The following STK39 variants were observed in gnomAD, a reference collection of about 807,000 sequenced individuals.
The protein encoded by STK39 is STE20/SPS1-related proline-alanine-rich protein kinase.
Under a neutral mutation model 77.8 loss-of-function variants are expected in STK39, and 20 were observed. The ratio of observed to expected loss-of-function variants is 0.26; its 90% CI spans 0.18 to 0.37. The LOEUF (loss-of-function observed/expected upper bound fraction) is 0.37, where lower values mean the gene tolerates loss of function less well. Among genes scored for constraint, STK39 ranks in the 10% least tolerant of loss-of-function variants. The pLI, the probability that STK39 is intolerant of heterozygous loss-of-function variation, is 1.00. For synonymous variants in STK39, 246 were observed against 234.1 expected (o/e 1.05, Z -0.47); for missense variants, 479 against 656.5 (o/e 0.73, Z 2.95).
chr2:168,216,481 T>C (rs967765350), intron 1 of STK39, among the ~76,000 whole-genome samples: 2 of 152,210 alleles, frequency 1.3e-5, no homozygotes, highest in South Asian at 4.1e-4. Context: ...GAAGCACGCC[T>C]GCACACCAAG....
At chr2:167,956,220 A>G (rs1691758429) in intron 17 of STK39, among the ~76,000 whole-genome samples, 1 of 152,330 alleles carries the variant, frequency 6.6e-6, no homozygotes, top group East Asian at 1.9e-4. Flanking sequence ...TGGTGTGTCA[A>G]ATACTTTATT....
intron 14 of STK39, among the ~76,000 whole-genome samples, chr2:168,052,480 A>G (rs1335880908): frequency 6.6e-6 from 1 of 152,232 alleles, no homozygotes; most frequent in Non-Finnish European, 1.5e-5. Context: ...AAAAAAAGCA[A>G]TCTAGCAAAG....
At chr2:168,221,798 G>A (rs1157904551) in intron 1 of STK39, among the ~76,000 whole-genome samples, 2 of 151,954 alleles carry the variant, frequency 1.3e-5, no homozygotes, top group South Asian at 2.1e-4. Context: ...GGCACTCACC[G>A]GGGCGCAACA....
chr2:168,032,335 T>C (rs777727613), intron 14 of STK39, among the ~76,000 whole-genome samples: 4 of 152,234 alleles, frequency 2.6e-5, no homozygotes, highest in Non-Finnish European at 5.9e-5. Flanking sequence ...TTTGGATGAT[T>C]TGAAAAACTT....
intron 1 of STK39, among the ~76,000 whole-genome samples, chr2:168,191,212 G>T (rs554026371): frequency 6.6e-6 from 1 of 152,160 alleles, no homozygotes; most frequent in South Asian, 2.1e-4. Flanking sequence ...TGGACACAAC[G>T]GAGTGCAGGG....
intron 10 of STK39, among the ~76,000 whole-genome samples, chr2:168,113,368 A>G (rs1274150923): frequency 2.6e-5 from 4 of 152,232 alleles, no homozygotes. Flanking sequence ...GTTTAAGCAG[A>G]TAAATATTGC....
intron 10 of STK39, among the ~76,000 whole-genome samples, chr2:168,077,731 C>T (rs559681569): frequency 1.7e-4 from 26 of 152,188 alleles, no homozygotes; most frequent in African/African-American, 6.0e-4. Context: ...ATTTATGTGA[C>T]ATTGACGTCT....
intron 5 of STK39, among the ~76,000 whole-genome samples, chr2:168,160,405 T>C (rs951111633): frequency 3.9e-5 from 6 of 152,184 alleles, no homozygotes; most frequent in Non-Finnish European, 8.8e-5. Flanking sequence ...TGATCTCCAG[T>C]CAGTGCAAGG....
At position 167,974,261 on chromosome 2, in the gene STK39, T is replaced by A. The variant is rs545699859; in HGVS notation, c.1499-9535A>T. On this transcript the variant is annotated intron_variant, in intron 16 of 17. Transcript: ENST00000355999. ...AAATTTTTTGAGTCATCATTTTGGC[T>A]AAATGAATGACTTATGGTAACCTGG... Among the ~76,000 whole-genome samples the A allele has an allele frequency of 1.1e-3, 175 of 152,280 alleles. 2 individuals are homozygous for A. The highest frequency in any genetic ancestry group is 3.7e-3 in the African/African-American group (153 of 41,586).
intron 1 of STK39, among the ~76,000 whole-genome samples, chr2:168,246,505 G>A (rs559875627): frequency 1.3e-5 from 2 of 152,388 alleles, no homozygotes; most frequent in South Asian, 2.1e-4. Flanking sequence ...GCCCGGTGCA[G>A]GGCAGGAGGC....
chr2:168,008,712 AT>A (rs1684194986), intron 16 of STK39, among the ~76,000 whole-genome samples: 1 of 152,160 alleles, frequency 6.6e-6, no homozygotes, highest in Admixed American at 6.5e-5. Context: ...ACACATCAAG[AT>A]TTATAGGTTA....
intron 14 of STK39, among the ~76,000 whole-genome samples, chr2:168,028,636 G>C: frequency 6.6e-6 from 1 of 152,172 alleles, no homozygotes; most frequent in East Asian, 1.9e-4. Context: ...TGCTCACTAT[G>C]TAAGGATCTC....
chr2:168,176,873 G>A (rs1348256420), intron 2 of STK39, among the ~76,000 whole-genome samples: 1 of 152,172 alleles, frequency 6.6e-6, no homozygotes, highest in African/African-American at 2.4e-5. Context: ...TACCATGCAT[G>A]ATTTGCTAGT....
intron 12 of STK39, among the ~76,000 whole-genome samples, chr2:168,068,876 C>T (rs143939602): frequency 2.0e-5 from 3 of 152,226 alleles, no homozygotes; most frequent in East Asian, 1.9e-4. Context: ...AGAACAAACA[C>T]GTTTGACAGC....
chr2:168,245,783 G>T (rs1219039381), intron 1 of STK39, among the ~76,000 whole-genome samples: 1 of 152,224 alleles, frequency 6.6e-6, no homozygotes, highest in Non-Finnish European at 1.5e-5. Context: ...AGAAGCCCCT[G>T]AAGCTATTTC....
At chr2:168,081,249 T>C (rs1686222767) in intron 10 of STK39, among the ~76,000 whole-genome samples, 1 of 152,168 alleles carries the variant, frequency 6.6e-6, no homozygotes, top group Non-Finnish European at 1.5e-5. Context: ...AGGGAGGCTG[T>C]ACCCTACAAA....
chr2:168,206,881 T>A (rs955911287), intron 1 of STK39, among the ~76,000 whole-genome samples: 1 of 152,188 alleles, frequency 6.6e-6, no homozygotes, highest in Admixed American at 6.5e-5. Context: ...TCTTCATGCT[T>A]CTTATAATAC....
chr2:167,986,618 A>G (rs1466823930), intron 16 of STK39, among the ~76,000 whole-genome samples: 1 of 152,210 alleles, frequency 6.6e-6, no homozygotes, highest in Admixed American at 6.5e-5. Flanking sequence ...CTTTTAAGAT[A>G]AGTAACAGGT....
intron 10 of STK39, among the ~76,000 whole-genome samples, chr2:168,081,215 C>T (rs532120413): frequency 7.2e-5 from 11 of 152,262 alleles, no homozygotes; most frequent in South Asian, 2.1e-4. Context: ...AGACACTCAA[C>T]GCCAGCCCAT....
Sources: gnomAD v4.1 joint callset for allele counts (sites outside exome capture counted in the v4.1 genomes callset) on GRCh38, gnomAD v4.1.1 for gene constraint, MANE v1.5 for transcripts, NCBI Gene and HGNC (gene_info 2026-07-23, HGNC 2026-07-21) for gene names.